Variants in ANKRD62 observed in about 807,000 individuals in gnomAD.
ANKRD62 encodes ankyrin repeat domain-containing protein 62.
A neutral mutation model predicts 98.8 loss-of-function variants in ANKRD62; 61 were observed. The ratio of observed to expected loss-of-function variants is 0.62; its 90% CI spans 0.50 to 0.76. The LOEUF (loss-of-function observed/expected upper bound fraction) is 0.76. ANKRD62 is among the 30% of genes least tolerant of loss of function. ANKRD62 has a pLI of 0.00. For missense variants in ANKRD62, 933 were observed against 1,082.9 expected, an observed-to-expected ratio of 0.86 and a Z score of 1.94; for synonymous variants, 341 against 367.9, an observed-to-expected ratio of 0.93 and a Z score of 0.84.
downstream of ANKRD62, among the ~76,000 whole-genome samples, chr18:12,130,539 T>C (rs1721231399): frequency 6.6e-6 from 1 of 152,222 alleles, no homozygotes; most frequent in South Asian, 2.1e-4. Context: ...AGTAGATTTT[T>C]TCAGAGTTTG....
chr18:12,126,510 A>G (rs1909897137), intron 13 of ANKRD62, 127 bp downstream of exon 13: 2 of 986,886 alleles, frequency 2.0e-6, no homozygotes, highest in Non-Finnish European at 2.8e-6. Flanking sequence ...GTTCTGCTAT[A>G]TCACCTTAGA....
At chr18:12,162,141 G>A in the ANKRD62 span, among the ~76,000 whole-genome samples, 23 of 152,064 alleles carry the variant, frequency 1.5e-4, no homozygotes, top group East Asian at 1.9e-4. Flanking sequence ...TCCACCAACA[G>A]TGTAGAGGGT....
At chr18:12,176,096 G>A in the ANKRD62 span, among the ~76,000 whole-genome samples, 1 of 151,778 alleles carries the variant, frequency 6.6e-6, no homozygotes, top group Admixed American at 6.6e-5. Context: ...GAAGACTGAA[G>A]CAGAAGAATC....
downstream of ANKRD62, among the ~76,000 whole-genome samples, chr18:12,130,101 G>A (rs1909980813): frequency 6.6e-6 from 1 of 152,102 alleles, no homozygotes; most frequent in Non-Finnish European, 1.5e-5. Flanking sequence ...TAATAAGTAT[G>A]TCTATGTGAA....
the ANKRD62 span, among the ~76,000 whole-genome samples, chr18:12,154,365 C>T: frequency 2.0e-5 from 3 of 152,184 alleles, no homozygotes; most frequent in African/African-American, 7.2e-5. Context: ...CACTGATGAT[C>T]AGAGAAATGC....
At chr18:12,103,286 A>G (rs1347906275) in intron 7 of ANKRD62, 58 bp downstream of exon 7, 5 of 1,104,138 alleles carry the variant, frequency 4.5e-6, no homozygotes, top group African/African-American at 1.6e-5. Flanking sequence ...GCATAATCCA[A>G]ATGAAATTAC....
the ANKRD62 span, among the ~76,000 whole-genome samples, chr18:12,137,054 G>T: frequency 6.6e-6 from 1 of 152,108 alleles, no homozygotes; most frequent in Non-Finnish European, 1.5e-5. Context: ...TCTCCTGCCT[G>T]ATTGCCCTGG....
chr18:12,114,676 C>A (rs1016921227), intron 8 of ANKRD62, among the ~76,000 whole-genome samples: 1 of 151,984 alleles, frequency 6.6e-6, no homozygotes, highest in Non-Finnish European at 1.5e-5. Flanking sequence ...CTAATGTTAT[C>A]ATTAAAAAAG....
intron 8 of ANKRD62, among the ~76,000 whole-genome samples, chr18:12,113,724 A>G (rs1485739162): frequency 6.6e-6 from 1 of 152,238 alleles, no homozygotes; most frequent in African/African-American, 2.4e-5. Flanking sequence ...TAGTTCAGCC[A>G]TTGTGGAAAA....
At chr18:12,145,635 T>C in the ANKRD62 span, among the ~76,000 whole-genome samples, 2 of 152,214 alleles carry the variant, frequency 1.3e-5, no homozygotes, top group African/African-American at 2.4e-5. Flanking sequence ...CTTCAGCTAC[T>C]CTTGCCAGTG....
In ANKRD62 at chr18:12,122,368, AAATG is replaced by A; in HGVS notation, c.1307_1310del (p.Lys436IlefsTer8). 2 of 1,535,752 alleles carry A rather than the reference AAATG, an allele frequency of 1.3e-6. No individual in the cohort carries two copies. Among genetic ancestry groups the A allele is most frequent in the Admixed American group, 3.9e-5 (2 of 50,988 alleles). On this transcript the variant is annotated frameshift_variant, in exon 11 of 14. Transcript: ENST00000587848. LOFTEE classifies it high-confidence loss of function. ...ATGTGGAAGATCAATAGAGGATCAAAAATGTTACTGTGAACGACTTAAAGTAAAA... is the reference window on the plus strand; with the variant it reads ...ATGTGGAAGATCAATAGAGGATCAAATTACTGTGAACGACTTAAAGTAAAA...
the ANKRD62 span, among the ~76,000 whole-genome samples, chr18:12,137,324 G>A: frequency 2.6e-5 from 4 of 152,088 alleles, no homozygotes; most frequent in African/African-American, 7.2e-5. Context: ...TTTTGTCTTT[G>A]GTTCTGTTTA....
the ANKRD62 span, among the ~76,000 whole-genome samples, chr18:12,169,494 G>A: frequency 2.6e-5 from 4 of 152,136 alleles, no homozygotes; most frequent in Admixed American, 2.0e-4. Flanking sequence ...ACTTGATCTT[G>A]GTGGATAAAC....
the ANKRD62 span, among the ~76,000 whole-genome samples, chr18:12,136,977 A>G: frequency 1.3e-5 from 2 of 152,102 alleles, no homozygotes; most frequent in Non-Finnish European, 2.9e-5. Flanking sequence ...CTAGATATAC[A>G]ATCATGTCAT....
the ANKRD62 span, among the ~76,000 whole-genome samples, chr18:12,163,753 C>T: frequency 6.6e-6 from 1 of 152,032 alleles, no homozygotes; most frequent in Non-Finnish European, 1.5e-5. Flanking sequence ...GATGCTTTCT[C>T]AGCATCAATT....
At chr18:12,111,245 T>C (rs1218252554) in intron 8 of ANKRD62, among the ~76,000 whole-genome samples, 1 of 119,942 alleles carries the variant, frequency 8.3e-6, no homozygotes, top group East Asian at 2.0e-4. Context: ...CGAGACTGCC[T>C]CTCAAAAAAA....
chr18:12,124,202 A>G lies in ANKRD62; in HGVS notation c.1520A>G (p.Glu507Gly). Residue 507 changes from glutamate (E) to glycine (G), a missense_variant, in exon 12 of 14, where the codon GAA (glutamate) becomes GGA (glycine). Glu to Gly is a moderately conservative substitution (Grantham distance 98). Transcript: ENST00000587848. ...GAAGAGTTGTATGAAAAAGATATAG[A>G]AGAGTTAAAAATAATGGAAGAGCAA... ...KAEELYEKDI[E>G]ELKIMEEQYR... 7.0e-7 allele frequency: 1 copy of G among 1,432,542 alleles called. No homozygotes were observed. The highest frequency in any genetic ancestry group is 1.2e-5 in the South Asian group (1 of 81,440). The allele number at this position is 1,432,542 out of a possible 1,614,324, so 88.7% of individuals were successfully genotyped here. A position where few individuals can be genotyped will look rare whatever the true frequency, so the allele number is the denominator to read the frequency against.
Position 12,125,673 on chromosome 18 carries a change from A to G in ANKRD62, c.1852A>G (p.Ile618Val). ...GAATGAGGAAGCATTAACAAAAACA[A>G]TAACCCGGTATAGTAAAGAGCTTAA... ...KRNEEALTKTITRYSKELNVL... is the reference protein window; with the variant it reads ...KRNEEALTKTVTRYSKELNVL... The change falls in exon 13 of 14, where the codon ATA becomes GTA. Residue 618 changes from isoleucine (I) to valine (V), a missense_variant. Transcript: ENST00000587848. 1.3e-6 allele frequency: 2 copies of G among 1,535,416 alleles called. No homozygotes were observed. Among genetic ancestry groups the G allele is most frequent in the Non-Finnish European group, 1.7e-6 (2 of 1,146,170 alleles).
the ANKRD62 span, among the ~76,000 whole-genome samples, chr18:12,137,299 A>T: frequency 3.9e-5 from 6 of 152,170 alleles, no homozygotes; most frequent in African/African-American, 1.4e-4. Context: ...GCATCTATTG[A>T]GATAATCATG....
Sources: gnomAD v4.1 joint callset for allele counts (sites outside exome capture counted in the v4.1 genomes callset) on GRCh38, gnomAD v4.1.1 for gene constraint, MANE v1.5 for transcripts, NCBI Gene and HGNC (gene_info 2026-07-23, HGNC 2026-07-21) for gene names.